Variants in ADAMTSL1 observed in about 807,000 individuals in gnomAD.
ADAMTSL1 encodes the protein ADAMTS like 1, also known as ADAMTS-like protein 1.
A neutral mutation model predicts 201.8 loss-of-function variants in ADAMTSL1; 126 were observed. The observed-to-expected ratio is 0.62, with a 90% CI of 0.54 to 0.72. The LOEUF is 0.72. Ranked by LOEUF, ADAMTSL1 falls within the 30% of genes least tolerant of loss-of-function variation. The pLI, the probability that ADAMTSL1 is intolerant of heterozygous loss-of-function variation, is 0.00. For synonymous variants in ADAMTSL1, 1,121 were observed against 903.4 expected (o/e 1.24, Z -4.32); for missense variants, 2,679 against 2,277.8 (o/e 1.18, Z -3.59).
At chr9:18,469,047 T>C (rs1821109374) in intron 2 of ADAMTSL1, among the ~76,000 whole-genome samples, 1 of 152,238 alleles carries the variant, frequency 6.6e-6, no homozygotes. Context: ...GCAGGAGTCT[T>C]ACCTTTCTCT....
chr9:18,271,928 G>A (rs1832385743), intron 2 of ADAMTSL1, among the ~76,000 whole-genome samples: 1 of 151,842 alleles, frequency 6.6e-6, no homozygotes, highest in Non-Finnish European at 1.5e-5. Context: ...GATGGCCAGT[G>A]ATGATGAGCA....
At chr9:18,308,147 A>G (rs1833979936) in intron 2 of ADAMTSL1, among the ~76,000 whole-genome samples, 1 of 152,180 alleles carries the variant, frequency 6.6e-6, no homozygotes, top group South Asian at 2.1e-4. Flanking sequence ...GAAACTGATG[A>G]GAACAAAGAC....
intron 9 of ADAMTSL1, among the ~76,000 whole-genome samples, chr9:18,665,890 A>G (rs1035463772): frequency 1.3e-5 from 2 of 152,130 alleles, no homozygotes; most frequent in African/African-American, 4.8e-5. Context: ...AAAAGACTGT[A>G]ATGAAAACAA....
chr9:18,100,958 A>C (rs1444765672), intron 1 of ADAMTSL1, among the ~76,000 whole-genome samples: 1 of 152,030 alleles, frequency 6.6e-6, no homozygotes, highest in Non-Finnish European at 1.5e-5. Flanking sequence ...ATACCTTTCC[A>C]GTTTTTCGCT....
chr9:18,885,977 T>A (rs1171000449), intron 23 of ADAMTSL1, among the ~76,000 whole-genome samples: 1 of 151,628 alleles, frequency 6.6e-6, no homozygotes. Context: ...AACAGTTCTA[T>A]CTCTGGATTC....
At chr9:18,250,645 G>A (rs908450510) in intron 2 of ADAMTSL1, among the ~76,000 whole-genome samples, 1 of 152,122 alleles carries the variant, frequency 6.6e-6, no homozygotes, top group African/African-American at 2.4e-5. Flanking sequence ...AATCAGTGCT[G>A]TGGATGGCTG....
chr9:17,941,985 G>A (rs773416398), intron 1 of ADAMTSL1, among the ~76,000 whole-genome samples: 38 of 152,224 alleles, frequency 2.5e-4, no homozygotes, highest in African/African-American at 3.1e-4. Flanking sequence ...TCCTACTACC[G>A]TCACATTGGA....
intron 23 of ADAMTSL1, among the ~76,000 whole-genome samples, chr9:18,879,327 G>A (rs1020214182): frequency 5.9e-5 from 9 of 152,200 alleles, no homozygotes; most frequent in Non-Finnish European, 1.3e-4. Context: ...GAAACCTAGA[G>A]TTCTCCTTCA....
chr9:18,624,002 G>C (rs1325640755), intron 5 of ADAMTSL1, among the ~76,000 whole-genome samples: 1 of 152,142 alleles, frequency 6.6e-6, no homozygotes, highest in Non-Finnish European at 1.5e-5. Flanking sequence ...GGTATGCAGT[G>C]GAGGAATATT....
intron 1 of ADAMTSL1, among the ~76,000 whole-genome samples, chr9:18,498,744 T>C (rs1456063524): frequency 6.6e-6 from 1 of 152,218 alleles, no homozygotes; most frequent in East Asian, 1.9e-4. Flanking sequence ...AAGTCTGTGC[T>C]CTTTCTCCTG....
chr9:17,992,108 G>A (rs542072933), intron 1 of ADAMTSL1, among the ~76,000 whole-genome samples: 1 of 152,070 alleles, frequency 6.6e-6, no homozygotes, highest in East Asian at 1.9e-4. Flanking sequence ...TTTCTCACGG[G>A]CCATATAGAG....
intron 2 of ADAMTSL1, among the ~76,000 whole-genome samples, chr9:18,169,308 T>C (rs1563781312): frequency 6.6e-6 from 1 of 151,830 alleles, no homozygotes; most frequent in African/African-American, 2.4e-5. Context: ...TTGTATAAGG[T>C]GTAAGGAAGG....
chr9:18,299,897 C>T (rs759277094), intron 2 of ADAMTSL1, among the ~76,000 whole-genome samples: 6 of 152,190 alleles, frequency 3.9e-5, no homozygotes, highest in Admixed American at 6.5e-5. Context: ...TTTCAAAGAA[C>T]TGGGGATTAG....
intron 2 of ADAMTSL1, among the ~76,000 whole-genome samples, chr9:18,322,398 C>T (rs529631345): frequency 2.6e-5 from 4 of 152,194 alleles, no homozygotes; most frequent in South Asian, 2.1e-4. Flanking sequence ...TTTGGGAGGC[C>T]GAGGTGGGTG....
At chr9:18,035,346 AC>A (rs1821150217) in intron 1 of ADAMTSL1, among the ~76,000 whole-genome samples, 1 of 152,120 alleles carries the variant, frequency 6.6e-6, no homozygotes, top group Admixed American at 6.5e-5. Flanking sequence ...ATTGAAGTGG[AC>A]CTATCGTTTT....
At chr9:17,930,207 C>A (rs751938435) in intron 1 of ADAMTSL1, among the ~76,000 whole-genome samples, 4 of 152,098 alleles carry the variant, frequency 2.6e-5, no homozygotes, top group Non-Finnish European at 5.9e-5. Flanking sequence ...CTTCAAGCAC[C>A]TGGTTTGATG....
chr9:17,960,238 C>A (rs1420123499), intron 1 of ADAMTSL1, among the ~76,000 whole-genome samples: 2 of 152,116 alleles, frequency 1.3e-5, no homozygotes, highest in African/African-American at 4.8e-5. Context: ...CATGACCCTC[C>A]CATGGAGGAC....
chr9:18,124,088 T>TG (rs1025433380), intron 1 of ADAMTSL1, among the ~76,000 whole-genome samples: 10 of 144,704 alleles, frequency 6.9e-5, no homozygotes, highest in East Asian at 2.0e-4. Flanking sequence ...TTTTTTTTTT[T>TG]TTTTTTTTTT....
chr9:18,177,016 A>G (rs1468948831), intron 2 of ADAMTSL1, among the ~76,000 whole-genome samples: 2 of 152,214 alleles, frequency 1.3e-5, no homozygotes, highest in African/African-American at 4.8e-5. Context: ...ATATTCCCAC[A>G]TAGGGCTATT....
Sources: allele counts gnomAD v4.1 joint callset (sites outside exome capture counted in the v4.1 genomes callset), GRCh38; gene constraint gnomAD v4.1.1; transcripts MANE v1.5; gene names NCBI Gene and HGNC (gene_info 2026-07-23, HGNC 2026-07-21).